The following GYS2 variants were observed in gnomAD, a reference collection of about 807,000 sequenced individuals.
GYS2 encodes the protein glycogen [starch] synthase, liver.
GYS2 carries 80 observed loss-of-function variants against 85.6 expected under a neutral mutation model. That is an observed-to-expected ratio of 0.93 (90% CI 0.78 to 1.13). GYS2 has a LOEUF of 1.13. Among genes scored for constraint, GYS2 ranks in the 50% most tolerant of loss-of-function variants. The pLI is 0.00. For missense variants in GYS2, 881 were observed against 854.9 expected (o/e 1.03, Z -0.38); for synonymous variants, 328 against 300.7 (o/e 1.09, Z -0.94).
Position 21,536,284 on chromosome 12 carries a change from C to A in GYS2, c.*670G>T, listed in dbSNP as rs1346718563. The A allele has an allele frequency of 1.3e-5, 2 of 152,168 alleles. No individual in the cohort carries two copies. Among genetic ancestry groups the A allele is most frequent in the African/African-American group, 2.4e-5 (1 of 41,414 alleles). 9.4% of individuals were successfully genotyped at this position (152,168 alleles called of 1,614,324 possible). A position where few individuals can be genotyped will look rare whatever the true frequency, so the allele number is the denominator to read the frequency against. ...ATTTTAAAAAGGCTTTCTATTTAAACAATAGAAAAATGTTACAGTAAGATG... is the reference window on the plus strand; with the variant it reads ...ATTTTAAAAAGGCTTTCTATTTAAAAAATAGAAAAATGTTACAGTAAGATG... On this transcript the variant is annotated 3_prime_UTR_variant, in exon 16 of 16. Coordinates refer to ENST00000261195, the MANE Select transcript of GYS2 (RefSeq NM_021957.4).
At chr12:21,550,863 A>C (rs558380694) in intron 11 of GYS2, among the ~76,000 whole-genome samples, 1 of 152,080 alleles carries the variant, frequency 6.6e-6, no homozygotes, top group Non-Finnish European at 1.5e-5. Flanking sequence ...ATCGCCTTGA[A>C]CCTGGGAGGC....
intron 7 of GYS2, 36 bp downstream of exon 7, chr12:21,562,882 A>G: frequency 6.2e-7 from 1 of 1,610,572 alleles, no homozygotes; most frequent in Non-Finnish European, 8.5e-7. Context: ...AGTTCTCCCT[A>G]CAAGAGTGTT....
downstream of GYS2, among the ~76,000 whole-genome samples, chr12:21,535,343 G>A (rs1943901019): frequency 6.6e-6 from 1 of 152,092 alleles, no homozygotes; most frequent in Non-Finnish European, 1.5e-5. Flanking sequence ...GTGAACCCTA[G>A]TTTATCACAG....
chr12:21,573,685 T>G (rs925453636), intron 4 of GYS2, among the ~76,000 whole-genome samples: 3 of 152,194 alleles, frequency 2.0e-5, no homozygotes, highest in Non-Finnish European at 2.9e-5. Context: ...ACCTATAATG[T>G]GGCTTTTAAT....
At chr12:21,599,553 AG>A (rs1296964183) in intron 1 of GYS2, among the ~76,000 whole-genome samples, 1 of 152,192 alleles carries the variant, frequency 6.6e-6, no homozygotes, top group Non-Finnish European at 1.5e-5. Flanking sequence ...TGAGTAGACT[AG>A]TGCTTTCCTT....
intron 1 of GYS2, among the ~76,000 whole-genome samples, chr12:21,597,866 A>T (rs1944713692): frequency 6.6e-6 from 1 of 152,186 alleles, no homozygotes; most frequent in Non-Finnish European, 1.5e-5. Flanking sequence ...ATTCAACCAT[A>T]CAAATATAAA....
Position 21,554,660 on chromosome 12 carries a change from T to A in GYS2, c.1422+3540A>T, listed in dbSNP as rs181433444. Among the ~76,000 whole-genome samples, 154 of 152,092 alleles carry A rather than the reference T, an allele frequency of 1.0e-3. 1 individual carries two copies. The highest frequency in any genetic ancestry group is 1.8e-3 in the Admixed American group (28 of 15,268). ...AGGAAACAACCGTTCCTGTCTGGAG[T>A]AGAGGAATGTGTGTTAGGGAAAGGT... On this transcript the variant is annotated intron_variant, in intron 11 of 15. Coordinates refer to ENST00000261195, the MANE Select transcript of GYS2 (RefSeq NM_021957.4).
At position 21,600,322 on chromosome 12, in the gene GYS2, C is replaced by T. The variant is rs1307891028; in HGVS notation, c.121+4150G>A. ...TTTTAAATTTCTGTAGAAACAGGGT[C>T]TCCCTATGTTCCCCAGGCTGGTATC... On this transcript the variant is annotated intron_variant, in intron 1 of 15. Coordinates refer to ENST00000261195, the MANE Select transcript of GYS2 (RefSeq NM_021957.4). Among the ~76,000 whole-genome samples, 3 of 152,008 alleles carry T rather than the reference C, an allele frequency of 2.0e-5. No homozygotes were observed. In the East Asian group the frequency reaches 5.8e-4, roughly 29 times the overall value.
At chr12:21,558,450 AGT>A in intron 10 of GYS2, 137 bp from the exon 11 acceptor site, 1 of 673,280 alleles carries the variant, frequency 1.5e-6, no homozygotes, top group Non-Finnish European at 2.7e-6. Context: ...ATGATGACTA[AGT>A]CTTGTGTGTG....
At chr12:21,554,792 A>G (rs1195886245) in intron 11 of GYS2, among the ~76,000 whole-genome samples, 2 of 152,222 alleles carry the variant, frequency 1.3e-5, no homozygotes, top group Non-Finnish European at 2.9e-5. Context: ...AGAGGTATGT[A>G]AGTGTTACGT....
chr12:21,593,024 T>C (rs561472282), intron 1 of GYS2, among the ~76,000 whole-genome samples: 1 of 151,992 alleles, frequency 6.6e-6, no homozygotes, highest in Non-Finnish European at 1.5e-5. Flanking sequence ...AACATGCTCC[T>C]GAATGAACGT....
At chr12:21,573,820 C>T (rs181794773) in intron 4 of GYS2, among the ~76,000 whole-genome samples, 119 of 152,330 alleles carry the variant, frequency 7.8e-4, no homozygotes, top group Middle Eastern at 3.4e-3. Context: ...GTGTTCACAG[C>T]GCTTCCATAG....
At position 21,536,762 on chromosome 12, in the gene GYS2, T is replaced by C; in HGVS notation, c.*192A>G. 1.7e-6 allele frequency: 1 copy of C among 602,958 alleles called. No individual in the cohort carries two copies. Among genetic ancestry groups the C allele is most frequent in the Admixed American group, 2.8e-5 (1 of 36,240 alleles). 37.4% of individuals were successfully genotyped at this position (602,958 alleles called of 1,614,324 possible). ...CTAACTTTATGGGGGAAACAAGAGT[T>C]GGGGAAAATAACTTGGATCTTATCC... On this transcript the variant is annotated 3_prime_UTR_variant, in exon 16 of 16. Coordinates refer to ENST00000261195, the MANE Select transcript of GYS2 (RefSeq NM_021957.4).
intron 5 of GYS2, 120 bp from the exon 6 acceptor site, chr12:21,563,465 C>A: frequency 1.1e-5 from 7 of 634,846 alleles, no homozygotes; most frequent in Non-Finnish European, 1.1e-5. Flanking sequence ...TTTCTGACTA[C>A]CATAAAATTT....
chr12:21,595,268 G>A (rs1422942514), intron 1 of GYS2, among the ~76,000 whole-genome samples: 2 of 152,168 alleles, frequency 1.3e-5, no homozygotes, highest in Non-Finnish European at 2.9e-5. Flanking sequence ...GCAATCCTGA[G>A]AGGACCCACA....
chr12:21,554,250 G>GGGAA (rs1235310935), intron 11 of GYS2, among the ~76,000 whole-genome samples: 1 of 151,914 alleles, frequency 6.6e-6, no homozygotes, highest in African/African-American at 2.4e-5. Flanking sequence ...GAGAGAGGCA[G>GGGAA]GGAAGGAGGG....
intron 4 of GYS2, among the ~76,000 whole-genome samples, chr12:21,569,746 T>C (rs1249073051): frequency 3.3e-5 from 5 of 152,210 alleles, no homozygotes; most frequent in Non-Finnish European, 7.3e-5. Context: ...GTTTCTGACA[T>C]TATGTAAGTA....
intron 11 of GYS2, among the ~76,000 whole-genome samples, chr12:21,550,722 C>T (rs1043310039): frequency 6.6e-6 from 1 of 152,246 alleles, no homozygotes; most frequent in African/African-American, 2.4e-5. Flanking sequence ...AGGTAGATCA[C>T]CTGAGGTCAG....
At chr12:21,540,389 T>C in intron 14 of GYS2, 21 bp downstream of exon 14, 3 of 1,607,266 alleles carry the variant, frequency 1.9e-6, no homozygotes, top group African/African-American at 1.3e-5. Flanking sequence ...TGGTCTGCTG[T>C]GTTTATCTAA....
Sources: gnomAD v4.1 joint callset for allele counts (sites outside exome capture counted in the v4.1 genomes callset) on GRCh38, gnomAD v4.1.1 for gene constraint, MANE v1.5 for transcripts, NCBI Gene and HGNC (gene_info 2026-07-23, HGNC 2026-07-21) for gene names.